CNBD1: variants seen among roughly 807,000 people sequenced by gnomAD.
The protein encoded by CNBD1 is cyclic nucleotide binding domain containing 1.
CNBD1 carries 71 observed loss-of-function variants against 54.4 expected under a neutral mutation model. The observed-to-expected ratio is 1.30, with a 90% confidence interval of 1.08 to 1.59. The LOEUF (loss-of-function observed/expected upper bound fraction) is 1.59. Among genes scored for constraint, CNBD1 ranks in the 40% most tolerant of loss-of-function variants. The pLI, the probability that CNBD1 is intolerant of heterozygous loss-of-function variation, is 0.00. For synonymous variants in CNBD1, 182 were observed against 170.7 expected (o/e 1.07, Z -0.51); for missense variants, 659 against 518.0 (o/e 1.27, Z -2.64).
At chr8:87,378,950 CTGTT>C (rs753591571) in intron 10 of CNBD1, among the ~76,000 whole-genome samples, 2 of 149,120 alleles carry the variant, frequency 1.3e-5, no homozygotes, top group Non-Finnish European at 3.0e-5. Context: ...ATTTGGCTCT[CTGTT>C]TGTCTGTTGT....
intron 4 of CNBD1, among the ~76,000 whole-genome samples, chr8:87,079,291 G>A (rs1810939804): frequency 6.6e-6 from 1 of 152,056 alleles, no homozygotes; most frequent in African/African-American, 2.4e-5. Context: ...GTGAATAAAG[G>A]TGTTATGAAG....
At chr8:87,139,787 G>A (rs1252493300) in intron 4 of CNBD1, among the ~76,000 whole-genome samples, 1 of 152,148 alleles carries the variant, frequency 6.6e-6, no homozygotes, top group Non-Finnish European at 1.5e-5. Flanking sequence ...GATGTTGTAA[G>A]ACAGCCTCTC....
intron 5 of CNBD1, among the ~76,000 whole-genome samples, chr8:87,226,714 T>C (rs1010353971): frequency 6.6e-6 from 1 of 152,010 alleles, no homozygotes; most frequent in African/African-American, 2.4e-5. Flanking sequence ...AAATGTATAT[T>C]CTGTTGATTT....
At position 87,198,745 on chromosome 8, in the gene CNBD1, A is replaced by G. The variant is rs181072884; in HGVS notation, c.432-7248A>G. Among the ~76,000 whole-genome samples, 27 of 152,342 alleles carry G rather than the reference A, an allele frequency of 1.8e-4. No individual in the cohort carries two copies. In the East Asian group the frequency reaches 2.3e-3, roughly 13 times the overall value. ...TAAATTAGTGGATATTTCTGTGGCT[A>G]TACACTGCAGGGAATATGGACTTTA... On this transcript the variant is annotated intron_variant, in intron 4 of 10. Transcript: ENST00000518476.
chr8:87,305,445 C>A (rs568434114), intron 8 of CNBD1, among the ~76,000 whole-genome samples: 1 of 152,086 alleles, frequency 6.6e-6, no homozygotes, highest in Non-Finnish European at 1.5e-5. Flanking sequence ...GCCCACATAG[C>A]CAAAGCAAGA....
intron 4 of CNBD1, among the ~76,000 whole-genome samples, chr8:87,138,575 A>G (rs748124504): frequency 2.0e-5 from 3 of 152,102 alleles, no homozygotes; most frequent in Non-Finnish European, 2.9e-5. Flanking sequence ...TGTTTTCTCA[A>G]TCTCTTCTGG....
At chr8:87,087,670 G>A (rs1586247424) in intron 4 of CNBD1, among the ~76,000 whole-genome samples, 1 of 152,008 alleles carries the variant, frequency 6.6e-6, no homozygotes, top group East Asian at 1.9e-4. Flanking sequence ...GTTTCACCGT[G>A]TTATCCAGGA....
At chr8:87,384,515 A>C (rs561846017), downstream of CNBD1, among the ~76,000 whole-genome samples, 1 of 152,308 alleles carries the variant, frequency 6.6e-6, no homozygotes, top group African/African-American at 2.4e-5. Context: ...GGCGGATCTC[A>C]GTTTGAATGT....
At chr8:86,873,919 A>G (rs1465547571) in intron 1 of CNBD1, among the ~76,000 whole-genome samples, 1 of 152,208 alleles carries the variant, frequency 6.6e-6, no homozygotes, top group Non-Finnish European at 1.5e-5. Context: ...ATTTTTAAAA[A>G]AACATTGTTA....
chr8:87,416,031 A>C (rs1048861130), intron 2 of CNBD1, among the ~76,000 whole-genome samples: 3 of 151,896 alleles, frequency 2.0e-5, no homozygotes, highest in African/African-American at 7.2e-5. Flanking sequence ...ATAGATTTCA[A>C]GGCGGAAAAA....
chr8:87,371,533 A>C (rs1240143916), intron 10 of CNBD1, among the ~76,000 whole-genome samples: 3 of 151,980 alleles, frequency 2.0e-5, no homozygotes, highest in Non-Finnish European at 4.4e-5. Flanking sequence ...AGACACAACC[A>C]AAAAAGAGAA....
intron 8 of CNBD1, among the ~76,000 whole-genome samples, chr8:87,302,902 T>A (rs963658736): frequency 6.6e-6 from 1 of 151,800 alleles, no homozygotes; most frequent in East Asian, 1.9e-4. Context: ...TCAAAGAGAA[T>A]AAAATACCTA....
intron 4 of CNBD1, among the ~76,000 whole-genome samples, chr8:86,987,830 C>T (rs1450205482): frequency 6.6e-6 from 1 of 152,080 alleles, no homozygotes; most frequent in African/African-American, 2.4e-5. Context: ...AGCATTGTAT[C>T]CCAGAAATAA....
chr8:87,318,205 T>C (rs4960937), intron 8 of CNBD1, among the ~76,000 whole-genome samples: 57,103 of 151,804 alleles, frequency 0.38, 11,001 homozygotes, highest in Middle Eastern at 0.45. Context: ...GTTAATTAAT[T>C]TTTCTCTTTA....
intron 8 of CNBD1, among the ~76,000 whole-genome samples, chr8:87,300,208 T>C (rs1272624771): frequency 1.3e-5 from 2 of 152,184 alleles, no homozygotes; most frequent in Non-Finnish European, 2.9e-5. Context: ...TATTTTCAAA[T>C]TGATTTTATT....
rs150696530 is a variant in CNBD1 at position 87,240,393 on chromosome 8, A to T, written c.771+3281A>T. On this transcript the variant is annotated intron_variant, in intron 6 of 10. Transcript: ENST00000518476. ...GCCCAGTGAGGGTAAATTATAAAAT[A>T]GTAATTTTTTTTTACACCAAAGTTT... is the stretch of plus-strand genomic sequence containing the variant. Among the ~76,000 whole-genome samples, 428 of 152,310 alleles carry T rather than the reference A, an allele frequency of 2.8e-3. 4 individuals are homozygous for T. Among genetic ancestry groups the T allele is most frequent in the African/African-American group, 9.8e-3 (409 of 41,568 alleles).
chr8:86,893,455 C>T (rs935563592), intron 2 of CNBD1, among the ~76,000 whole-genome samples: 3 of 152,150 alleles, frequency 2.0e-5, no homozygotes, highest in Non-Finnish European at 2.9e-5. Flanking sequence ...ATCTTCCCTT[C>T]CCCTTAAGGA....
chr8:87,161,003 G>A (rs1033662174), intron 4 of CNBD1, among the ~76,000 whole-genome samples: 6 of 152,028 alleles, frequency 3.9e-5, no homozygotes, highest in African/African-American at 1.4e-4. Context: ...CATCATCAAT[G>A]TTGTCTTCAT....
At chr8:87,324,753 G>C (rs538200947) in intron 8 of CNBD1, among the ~76,000 whole-genome samples, 35 of 148,776 alleles carry the variant, frequency 2.4e-4, no homozygotes, top group African/African-American at 2.0e-4. Flanking sequence ...CAAAAAACCA[G>C]CTCCTGGATT....
Sources: allele counts gnomAD v4.1 joint callset (sites outside exome capture counted in the v4.1 genomes callset), GRCh38; gene constraint gnomAD v4.1.1; transcripts MANE v1.5; gene names NCBI Gene and HGNC (gene_info 2026-07-23, HGNC 2026-07-21).